Variants in RIC1 observed in about 807,000 individuals in gnomAD.
RIC1 encodes guanine nucleotide exchange factor subunit RIC1.
RIC1 carries 88 observed loss-of-function variants against 169.0 expected under a neutral mutation model. The observed-to-expected ratio is 0.52, with a 90% confidence interval of 0.44 to 0.62. The LOEUF (loss-of-function observed/expected upper bound fraction) is 0.62, where lower values mean the gene tolerates loss of function less well. RIC1 is among the 20% of genes least tolerant of loss of function. RIC1 has a pLI of 0.00. For synonymous variants in RIC1, 790 were observed against 601.5 expected (o/e 1.31, Z -4.59); for missense variants, 1,877 against 1,725.5 (o/e 1.09, Z -1.56).
chr9:5,770,043 T>A, intron 22 of RIC1, 44 bp from the exon 23 acceptor site: 1 of 1,519,832 alleles, frequency 6.6e-7, no homozygotes, highest in Non-Finnish European at 8.9e-7. Flanking sequence ...TGTGTGCATC[T>A]TCAATTTCTT....
chr9:5,707,439 C>G (rs1176782458), intron 3 of RIC1, among the ~76,000 whole-genome samples: 1 of 151,868 alleles, frequency 6.6e-6, no homozygotes, highest in Non-Finnish European at 1.5e-5. Flanking sequence ...ATTTTCTGTC[C>G]AGTTCTATCC....
At chr9:5,637,145 T>C (rs1353649731) in intron 1 of RIC1, among the ~76,000 whole-genome samples, 8 of 152,152 alleles carry the variant, frequency 5.3e-5, no homozygotes, top group African/African-American at 1.9e-4. Flanking sequence ...CTGCAATCTC[T>C]GCCTACTGGG....
At position 5,681,716 on chromosome 9, in the gene RIC1, T is replaced by C. The variant is rs112846523; in HGVS notation, c.253-8243T>C. Among the ~76,000 whole-genome samples, 203 of 152,304 alleles carry C rather than the reference T, an allele frequency of 1.3e-3. 2 individuals carry two copies. The highest frequency in any genetic ancestry group is 4.7e-3 in the African/African-American group (195 of 41,554). ...ATATCCTTGTTAACTTTCTGTCTCTTTGATCTGTCTAATGGTGACAGTGGG... is the reference window on the plus strand; with the variant it reads ...ATATCCTTGTTAACTTTCTGTCTCTCTGATCTGTCTAATGGTGACAGTGGG... On this transcript the variant is annotated intron_variant, in intron 2 of 25. Transcript: ENST00000414202.
chr9:5,637,747 A>T (rs1279168951), intron 1 of RIC1, among the ~76,000 whole-genome samples: 1 of 152,218 alleles, frequency 6.6e-6, no homozygotes, highest in Non-Finnish European at 1.5e-5. Flanking sequence ...TGCACTTAAC[A>T]TAATGACCTC....
rs141047465 is a variant in RIC1, at chr9:5,774,075, A to C, written c.4101A>C (p.Pro1367=). ...AACCAATAACTATGGGTAAGACTCC[A>C]GAACAGACTAGCCCCCGGGCAGAGG... ...AFQPITMGKT[P]EQTSPRAEES... The change falls in exon 26 of 26, where the codon CCA becomes CCC. Residue 1367 remains proline, a synonymous_variant. Transcript: ENST00000414202. 87 of 1,614,006 alleles carry C rather than the reference A, an allele frequency of 5.4e-5. No individual in the cohort carries two copies. Among genetic ancestry groups the C allele is most frequent in the Non-Finnish European group, 6.9e-5 (81 of 1,179,992 alleles).
intron 2 of RIC1, among the ~76,000 whole-genome samples, chr9:5,658,761 A>G (rs918189536): frequency 6.6e-6 from 1 of 151,990 alleles, no homozygotes; most frequent in Non-Finnish European, 1.5e-5. Flanking sequence ...GAATATCTTG[A>G]ATTGCCCTCC....
rs983092472 is a variant in RIC1 at position 5,690,122 on chromosome 9, A to T, written c.332+84A>T. 8 of 884,618 alleles carry T rather than the reference A, an allele frequency of 9.0e-6. No homozygotes were observed. In the African/African-American group the frequency reaches 1.4e-4, roughly 15 times the overall value. The allele number at this position is 884,618 out of a possible 1,614,324, so 54.8% of individuals were successfully genotyped here. On this transcript the variant is annotated intron_variant, in intron 3 of 25. Coordinates refer to ENST00000414202, the MANE Select transcript of RIC1 (RefSeq NM_020829.4). ...AACATTACAGTTTTGAGTTGTCTGT[A>T]GTGATTAGAATAAAACTAAACCAGC...
intron 2 of RIC1, among the ~76,000 whole-genome samples, chr9:5,684,301 C>A (rs901133156): frequency 2.6e-5 from 1 of 38,440 alleles, no homozygotes; most frequent in African/African-American, 7.4e-5. Flanking sequence ...CCCCCCCCCC[C>A]GCCATCTCAT....
chr9:5,766,811 G>A (rs367631549), intron 21 of RIC1, among the ~76,000 whole-genome samples: 1 of 152,212 alleles, frequency 6.6e-6, no homozygotes, highest in African/African-American at 2.4e-5. Context: ...ATAAACGTGT[G>A]TGCAAGTATC....
chr9:5,774,339 TC>T lies in RIC1; in HGVS notation c.*94del. Reference sequence around the variant, plus strand: ...TAGTTGGATGATTTAACAGGAGAACTCAGTTCAGAGACTCTTCGGTAAGTAT... The same window carrying T: ...TAGTTGGATGATTTAACAGGAGAACTAGTTCAGAGACTCTTCGGTAAGTAT... On this transcript the variant is annotated 3_prime_UTR_variant, in exon 26 of 26. Coordinates refer to ENST00000414202, the MANE Select transcript of RIC1 (RefSeq NM_020829.4). The T allele has an allele frequency of 8.9e-7, 1 of 1,125,690 alleles. No homozygotes were observed. Among genetic ancestry groups the T allele is most frequent in the Non-Finnish European group, 1.3e-6 (1 of 797,270 alleles). The allele number at this position is 1,125,690 out of a possible 1,614,324, so 69.7% of individuals were successfully genotyped here.
intron 3 of RIC1, among the ~76,000 whole-genome samples, chr9:5,704,334 CAG>C (rs1296280657): frequency 6.6e-6 from 1 of 152,048 alleles, no homozygotes; most frequent in African/African-American, 2.4e-5. Flanking sequence ...CCTCAGTCAC[CAG>C]AGTAGCTGGG....
At chr9:5,706,498 T>A (rs1402292059) in intron 3 of RIC1, among the ~76,000 whole-genome samples, 4 of 152,188 alleles carry the variant, frequency 2.6e-5, no homozygotes, top group African/African-American at 7.2e-5. Context: ...TACCTATTTT[T>A]TTTTAATAAC....
chr9:5,673,535 G>GAGAGATATATATATATATATAT (rs1554663215), intron 2 of RIC1, among the ~76,000 whole-genome samples: 1 of 119,304 alleles, frequency 8.4e-6, no homozygotes, highest in Admixed American at 8.4e-5. Context: ...AACATAAGGA[G>GAGAGATATATATATATATATAT]ATATATATAT....
intron 2 of RIC1, among the ~76,000 whole-genome samples, chr9:5,686,070 C>A (rs1193239396): frequency 6.6e-6 from 1 of 151,730 alleles, no homozygotes; most frequent in African/African-American, 2.4e-5. Context: ...ATCAAAGCCA[C>A]TATGAGATAT....
chr9:5,678,661 T>C (rs1365251359), intron 2 of RIC1, among the ~76,000 whole-genome samples: 1 of 152,234 alleles, frequency 6.6e-6, no homozygotes, highest in African/African-American at 2.4e-5. Context: ...GAGAAGTGTC[T>C]GTTTGTATCT....
At chr9:5,665,523 G>A (rs1454175458) in intron 2 of RIC1, among the ~76,000 whole-genome samples, 2 of 152,100 alleles carry the variant, frequency 1.3e-5, no homozygotes, top group African/African-American at 2.4e-5. Context: ...AGGCACTCTG[G>A]TTTTTTGAGT....
At chr9:5,742,807 A>AAAAC in intron 8 of RIC1, 62 bp from the exon 9 acceptor site, 2 of 1,445,048 alleles carry the variant, frequency 1.4e-6, no homozygotes, top group Non-Finnish European at 1.9e-6. Context: ...TGAAAAAAAA[A>AAAAC]AAAAAACAAG....
At chr9:5,667,781 G>C (rs769372608) in intron 2 of RIC1, among the ~76,000 whole-genome samples, 1 of 152,140 alleles carries the variant, frequency 6.6e-6, no homozygotes, top group Admixed American at 6.5e-5. Flanking sequence ...TGGGATTACA[G>C]GCATGAGCCA....
chr9:5,711,059 G>A (rs753618767), intron 3 of RIC1, among the ~76,000 whole-genome samples: 7 of 152,108 alleles, frequency 4.6e-5, no homozygotes, highest in Non-Finnish European at 1.0e-4. Flanking sequence ...GATTGAACAG[G>A]TCTACCAGGT....
Sources: allele counts gnomAD v4.1 joint callset (sites outside exome capture counted in the v4.1 genomes callset), GRCh38; gene constraint gnomAD v4.1.1; transcripts MANE v1.5; gene names NCBI Gene and HGNC (gene_info 2026-07-23, HGNC 2026-07-21).